Variants in SLC30A9 observed in about 807,000 individuals in gnomAD.
SLC30A9 encodes solute carrier family 30 member 9.
SLC30A9 carries 58 observed loss-of-function variants against 87.5 expected under a neutral mutation model. The ratio of observed to expected loss-of-function variants is 0.66; its 90% CI spans 0.54 to 0.82. SLC30A9 has a LOEUF of 0.82. Ranked by LOEUF, SLC30A9 falls within the 40% of genes least tolerant of loss-of-function variation. The pLI, the probability that SLC30A9 is intolerant of heterozygous loss-of-function variation, is 0.00. For synonymous variants in SLC30A9, 234 were observed against 233.0 expected, an observed-to-expected ratio of 1.00 and a Z score of -0.04; for missense variants, 557 against 679.1, an observed-to-expected ratio of 0.82 and a Z score of 2.00.
At chr4:42,011,837 G>A (rs1004636114) in intron 2 of SLC30A9, among the ~76,000 whole-genome samples, 9 of 152,152 alleles carry the variant, frequency 5.9e-5, no homozygotes, top group Non-Finnish European at 1.3e-4. Flanking sequence ...TTAGGAAAAG[G>A]AGACAATTAG....
intron 10 of SLC30A9, among the ~76,000 whole-genome samples, chr4:42,062,217 T>C (rs1447444155): frequency 1.1e-4 from 17 of 151,976 alleles, no homozygotes. Flanking sequence ...AGAATTCTTG[T>C]TTAAATTTGT....
At chr4:42,008,964 A>T (rs1715330046) in intron 2 of SLC30A9, among the ~76,000 whole-genome samples, 1 of 152,198 alleles carries the variant, frequency 6.6e-6, no homozygotes, top group Non-Finnish European at 1.5e-5. Context: ...GCAGAGTGTA[A>T]TGAGTCCCTA....
intron 8 of SLC30A9, among the ~76,000 whole-genome samples, chr4:42,043,666 C>T (rs1376215866): frequency 6.6e-6 from 1 of 152,180 alleles, no homozygotes; most frequent in Non-Finnish European, 1.5e-5. Context: ...TCCAGGAGAA[C>T]TTCCCCAACC....
intron 2 of SLC30A9, among the ~76,000 whole-genome samples, chr4:42,014,228 A>G (rs1432611837): frequency 6.6e-6 from 1 of 152,248 alleles, no homozygotes; most frequent in East Asian, 1.9e-4. Context: ...AAGACAGGCA[A>G]TAACAAATGC....
rs916485697 is a variant in SLC30A9 at position 41,995,455 on chromosome 4, G to C, written c.109+4695G>C. ...TGCTGATAGTGTAGTGCTGAACGAG[G>C]TGGATGGTTTCCACCTTTCTTCCAC... On this transcript the variant is annotated intron_variant, in intron 1 of 17. Coordinates refer to ENST00000264451, the MANE Select transcript of SLC30A9 (RefSeq NM_006345.4). Among the ~76,000 whole-genome samples the C allele has an allele frequency of 3.3e-5, 5 of 152,230 alleles. No homozygotes were observed. The East Asian group carries it at 7.7e-4, about 24-fold the overall frequency.
At chr4:42,007,276 A>G (rs957276649) in intron 2 of SLC30A9, among the ~76,000 whole-genome samples, 2 of 152,194 alleles carry the variant, frequency 1.3e-5, no homozygotes, top group Non-Finnish European at 2.9e-5. Context: ...CCAGCTGTCT[A>G]GATGATTTCA....
At chr4:42,018,361 G>A (rs1225390074) in intron 3 of SLC30A9, 191 bp downstream of exon 3, 3 of 1,024,128 alleles carry the variant, frequency 2.9e-6, no homozygotes, top group Admixed American at 2.4e-5. Flanking sequence ...AATTTATTTT[G>A]CATTTTTGTC....
chr4:42,057,177 G>A (rs1717657079), intron 9 of SLC30A9, among the ~76,000 whole-genome samples: 1 of 152,170 alleles, frequency 6.6e-6, no homozygotes, highest in African/African-American at 2.4e-5. Context: ...TCTGGGATAT[G>A]GAGGGCAATG....
chr4:41,995,336 G>T (rs181228290), intron 1 of SLC30A9, among the ~76,000 whole-genome samples: 1 of 152,180 alleles, frequency 6.6e-6, no homozygotes, highest in African/African-American at 2.4e-5. Context: ...AGAATTTATT[G>T]TACTTAAGTA....
At chr4:42,033,058 A>G (rs1716514834) in intron 6 of SLC30A9, among the ~76,000 whole-genome samples, 1 of 152,234 alleles carries the variant, frequency 6.6e-6, no homozygotes, top group Non-Finnish European at 1.5e-5. Context: ...CTAGAGATGT[A>G]TAGTTCAATT....
At chr4:42,037,421 A>G (rs1471369803) in intron 7 of SLC30A9, among the ~76,000 whole-genome samples, 14 of 151,398 alleles carry the variant, frequency 9.2e-5, no homozygotes, top group Admixed American at 9.2e-4. Flanking sequence ...ATACCTTTCT[A>G]CTTTCCCATG....
At chr4:42,010,843 C>T (rs1484303257) in intron 2 of SLC30A9, among the ~76,000 whole-genome samples, 4 of 152,168 alleles carry the variant, frequency 2.6e-5, no homozygotes, top group Admixed American at 2.0e-4. Context: ...AGAAATGGAA[C>T]AGAAGCATCT....
At chr4:42,081,699 T>A (rs958003698) in intron 17 of SLC30A9, among the ~76,000 whole-genome samples, 4 of 151,740 alleles carry the variant, frequency 2.6e-5, no homozygotes, top group African/African-American at 9.8e-5. Context: ...TTTTAGTAGA[T>A]ACAAGAAATC....
At chr4:42,010,084 A>G (rs578260659) in intron 2 of SLC30A9, among the ~76,000 whole-genome samples, 1 of 152,364 alleles carries the variant, frequency 6.6e-6, no homozygotes, top group Non-Finnish European at 1.5e-5. Context: ...TTTTAAGCTT[A>G]TCTTCAATTT....
chr4:42,037,099 G>A (rs1337244582), intron 7 of SLC30A9, among the ~76,000 whole-genome samples: 1 of 152,004 alleles, frequency 6.6e-6, no homozygotes, highest in Non-Finnish European at 1.5e-5. Context: ...TTTTTGCTGG[G>A]ACATTAGGAT....
chr4:42,022,953 A>G (rs1272068414), intron 5 of SLC30A9, 23 bp downstream of exon 5: 1 of 1,390,578 alleles, frequency 7.2e-7, no homozygotes, highest in Non-Finnish European at 9.9e-7. Flanking sequence ...TTCTTTCAGA[A>G]TAAAAGTGCA....
At chr4:42,032,210 AC>A (rs35393255) in intron 6 of SLC30A9, among the ~76,000 whole-genome samples, 1 of 145,656 alleles carries the variant, frequency 6.9e-6, no homozygotes, top group African/African-American at 2.5e-5. Context: ...TGACCCAGTT[AC>A]CCCCCCACCA....
intron 9 of SLC30A9, among the ~76,000 whole-genome samples, chr4:42,057,276 C>T (rs1266169690): frequency 6.6e-6 from 1 of 152,184 alleles, no homozygotes; most frequent in Non-Finnish European, 1.5e-5. Flanking sequence ...TAAGCACTGC[C>T]CTAGCAGAGG....
At chr4:42,044,107 A>T (rs1375430911) in intron 8 of SLC30A9, among the ~76,000 whole-genome samples, 5 of 152,166 alleles carry the variant, frequency 3.3e-5, no homozygotes, top group African/African-American at 1.2e-4. Context: ...GCAAAAACAT[A>T]CCAAATTGTA....
Sources: allele counts gnomAD v4.1 joint callset (sites outside exome capture counted in the v4.1 genomes callset), GRCh38; gene constraint gnomAD v4.1.1; transcripts MANE v1.5; gene names NCBI Gene and HGNC (gene_info 2026-07-23, HGNC 2026-07-21).